RBFOX1: variants seen among roughly 807,000 people sequenced by gnomAD.
RBFOX1 encodes RNA binding protein fox-1 homolog 1.
A neutral mutation model predicts 57.7 loss-of-function variants in RBFOX1; 8 were observed. The observed-to-expected ratio is 0.14, with a 90% CI of 0.08 to 0.25. RBFOX1 has a LOEUF of 0.25. Ranked by LOEUF, RBFOX1 falls within the 10% of genes least tolerant of loss-of-function variation. RBFOX1 has a pLI of 1.00. For missense variants in RBFOX1, 611 were observed against 548.5 expected (o/e 1.11, Z -1.14); for synonymous variants, 326 against 222.4 (o/e 1.47, Z -4.15).
At chr16:7,074,641 A>T (rs761259088) in intron 4 of RBFOX1, among the ~76,000 whole-genome samples, 22 of 152,192 alleles carry the variant, frequency 1.4e-4, no homozygotes, top group Non-Finnish European at 1.6e-4. Flanking sequence ...GAGACAGACA[A>T]TGGGACAAAA....
intron 4 of RBFOX1, among the ~76,000 whole-genome samples, chr16:7,107,813 G>T (rs1189207900): frequency 6.6e-6 from 1 of 152,078 alleles, no homozygotes; most frequent in Non-Finnish European, 1.5e-5. Context: ...TTTTGTGTCT[G>T]AAAAGGATCT....
chr16:6,982,803 G>T (rs1216890334), intron 3 of RBFOX1, among the ~76,000 whole-genome samples: 2 of 152,052 alleles, frequency 1.3e-5, no homozygotes, highest in East Asian at 3.9e-4. Context: ...GACCAGCCTG[G>T]CCAACATGGC....
At chr16:6,486,082 C>CTTTTTTTTTTTTT (rs71145234) in intron 2 of RBFOX1, among the ~76,000 whole-genome samples, 4 of 62,964 alleles carry the variant, frequency 6.4e-5, no homozygotes, top group Non-Finnish European at 1.1e-4. Context: ...CAGTAAAAGG[C>CTTTTTTTTTTTTT]TTTTTTTTTT....
chr16:5,810,227 A>G (rs1182852316), intron 3 of RBFOX1, among the ~76,000 whole-genome samples: 3 of 151,980 alleles, frequency 2.0e-5, no homozygotes, highest in African/African-American at 7.2e-5. Flanking sequence ...CTAATGCTAA[A>G]TGCTGAGTTA....
chr16:6,257,459 C>A (rs2097675298), intron 1 of RBFOX1, among the ~76,000 whole-genome samples: 1 of 151,820 alleles, frequency 6.6e-6, no homozygotes, highest in Non-Finnish European at 1.5e-5. Context: ...GGCACACGTG[C>A]AGGTTTGTTA....
At chr16:6,587,529 G>A (rs893550523) in intron 2 of RBFOX1, among the ~76,000 whole-genome samples, 3 of 152,098 alleles carry the variant, frequency 2.0e-5, no homozygotes, top group Non-Finnish European at 4.4e-5. Flanking sequence ...TGATCCACCT[G>A]CCTCGGCCTC....
intron 1 of RBFOX1, among the ~76,000 whole-genome samples, chr16:5,306,507 A>G (rs906873295): frequency 6.6e-6 from 1 of 151,992 alleles, no homozygotes; most frequent in African/African-American, 2.4e-5. Flanking sequence ...TTTAGTAGAG[A>G]CGGGGTTTTA....
intron 4 of RBFOX1, among the ~76,000 whole-genome samples, chr16:7,216,014 C>T (rs540786814): frequency 3.5e-4 from 54 of 152,238 alleles, no homozygotes; most frequent in African/African-American, 1.2e-3. Flanking sequence ...TGAGCCACCG[C>T]GCCCAGCCTG....
chr16:7,686,072 A>C (rs1456343404), intron 14 of RBFOX1, among the ~76,000 whole-genome samples: 4 of 151,960 alleles, frequency 2.6e-5, no homozygotes, highest in Non-Finnish European at 4.4e-5. Context: ...GGTTGTGAGA[A>C]TCCATTGCTG....
chr16:6,360,425 G>C (rs1274993678), intron 2 of RBFOX1, among the ~76,000 whole-genome samples: 2 of 152,080 alleles, frequency 1.3e-5, no homozygotes, highest in Non-Finnish European at 2.9e-5. Flanking sequence ...TTCTGAAACA[G>C]ATTGTCCACA....
intron 4 of RBFOX1, among the ~76,000 whole-genome samples, chr16:7,155,681 C>T (rs1347371426): frequency 1.5e-5 from 2 of 130,448 alleles, no homozygotes; most frequent in African/African-American, 5.7e-5. Context: ...ACTTGCCTTC[C>T]TCCCTTCTCC....
At chr16:5,876,131 C>G (rs2057603862) in intron 4 of RBFOX1, among the ~76,000 whole-genome samples, 1 of 152,114 alleles carries the variant, frequency 6.6e-6, no homozygotes, top group Admixed American at 6.5e-5. Flanking sequence ...GTGTGAACCA[C>G]CGCGCCCGGC....
chr16:5,673,129 C>G (rs2050063574), intron 3 of RBFOX1, among the ~76,000 whole-genome samples: 1 of 152,052 alleles, frequency 6.6e-6, no homozygotes, highest in East Asian at 1.9e-4. Context: ...CATTTTCCTG[C>G]TGACACACAC....
At chr16:5,452,116 C>CTT (rs148215801) in intron 1 of RBFOX1, among the ~76,000 whole-genome samples, 132 of 108,096 alleles carry the variant, frequency 1.2e-3, no homozygotes, top group East Asian at 3.7e-3. Context: ...CTCTCTCTCT[C>CTT]TTTTTTTTTT....
intron 4 of RBFOX1, among the ~76,000 whole-genome samples, chr16:7,214,320 G>A (rs1480020044): frequency 6.6e-6 from 1 of 152,130 alleles, no homozygotes; most frequent in African/African-American, 2.4e-5. Flanking sequence ...ATCTTATCCA[G>A]CAAATATATT....
At chr16:6,899,129 GTA>G (rs1432933069) in intron 3 of RBFOX1, among the ~76,000 whole-genome samples, 4 of 151,438 alleles carry the variant, frequency 2.6e-5, no homozygotes, top group African/African-American at 7.3e-5. Flanking sequence ...ATGCATATGT[GTA>G]TATGTGTGTA....
chr16:7,507,049 A>G (rs2073562259), intron 4 of RBFOX1, among the ~76,000 whole-genome samples: 1 of 152,182 alleles, frequency 6.6e-6, no homozygotes, highest in South Asian at 2.1e-4. Flanking sequence ...ATTACTATTT[A>G]TATTTTATGA....
chr16:6,638,659 T>C (rs553535899), intron 2 of RBFOX1, among the ~76,000 whole-genome samples: 60 of 152,300 alleles, frequency 3.9e-4, no homozygotes, highest in African/African-American at 1.3e-3. Context: ...GTTTAGCCCT[T>C]TAATGCCAAA....
At chr16:6,535,438 A>C (rs1352145156) in intron 2 of RBFOX1, among the ~76,000 whole-genome samples, 9 of 151,678 alleles carry the variant, frequency 5.9e-5, no homozygotes, top group Admixed American at 5.2e-4. Flanking sequence ...AAGAACCCCT[A>C]TGCATTTTCT....
Sources: gnomAD v4.1 joint callset for allele counts (sites outside exome capture counted in the v4.1 genomes callset) on GRCh38, gnomAD v4.1.1 for gene constraint, MANE v1.5 for transcripts, NCBI Gene and HGNC (gene_info 2026-07-23, HGNC 2026-07-21) for gene names.